Variants in ZFYVE21 observed in about 807,000 individuals in gnomAD.
ZFYVE21 encodes the protein zinc finger FYVE-type containing 21, also known as zinc finger FYVE domain-containing protein 21.
A neutral mutation model predicts 29.5 loss-of-function variants in ZFYVE21; 21 were observed. That is an observed-to-expected ratio of 0.71 (90% CI 0.50 to 1.02). The LOEUF (loss-of-function observed/expected upper bound fraction) is 1.02, where lower values mean the gene tolerates loss of function less well. ZFYVE21 is among the 50% of genes least tolerant of loss of function. The pLI, the probability that ZFYVE21 is intolerant of heterozygous loss-of-function variation, is 0.00. For missense variants in ZFYVE21, 326 were observed against 335.4 expected, an observed-to-expected ratio of 0.97 and a Z score of 0.22; for synonymous variants, 151 against 133.8, an observed-to-expected ratio of 1.13 and a Z score of -0.89.
intron 1 of ZFYVE21, 39 bp from the exon 2 acceptor site, chr14:103,726,753 A>C: frequency 6.2e-7 from 1 of 1,613,092 alleles, no homozygotes; most frequent in African/African-American, 1.3e-5. Flanking sequence ...GTGGTGAGTG[A>C]CCAAGCTGCG....
rs372132634 is a variant in ZFYVE21 at position 103,726,907 on chromosome 14, G to T, written c.189+65G>T. The T allele has an allele frequency of 2.5e-4, 385 of 1,562,826 alleles. 2 individuals carry two copies. The African/African-American group carries it at 4.6e-3, about 19-fold the overall frequency. The stretch of plus-strand genomic sequence containing the variant: ...GAGGGGCCCCAACAGGACAGCTGCC[G>T]CTGCCCCTTCTGGCAGGGGACGGAT... On this transcript the variant is annotated intron_variant, in intron 2 of 6. Transcript: ENST00000311141.
intron 1 of ZFYVE21, among the ~76,000 whole-genome samples, chr14:103,719,623 C>T (rs1459966324): frequency 5.3e-5 from 8 of 151,720 alleles, no homozygotes; most frequent in South Asian, 2.1e-4. Flanking sequence ...GGGTGGTTCT[C>T]GGTGGAAGGC....
rs200360953 is a variant in ZFYVE21, at chr14:103,727,726, A to G, written c.190-20A>G. The G allele has an allele frequency of 8.1e-5, 129 of 1,599,638 alleles. 1 individual carries two copies. In the East Asian group the frequency reaches 2.4e-3, roughly 29 times the overall value. On this transcript the variant is annotated intron_variant, in intron 2 of 6. Coordinates refer to ENST00000311141, the MANE Select transcript of ZFYVE21 (RefSeq NM_024071.4). The stretch of plus-strand genomic sequence containing the variant: ...TGTTCCCTGCCCCTCCTCACTGCCA[A>G]TCCTCCCGCATCTGCCCAGCACCAC...
intron 1 of ZFYVE21, chr14:103,725,824 C>T (rs1381293553): frequency 6.6e-6 from 1 of 152,282 alleles, no homozygotes; most frequent in East Asian, 1.9e-4. Context: ...CTTAGGCCGA[C>T]CAAGCATCTG....
chr14:103,729,223 G>C lies in ZFYVE21; in HGVS notation c.526+41G>C, dbSNP rs774868801. On this transcript the variant is annotated intron_variant, in intron 5 of 6. Coordinates refer to ENST00000311141, the MANE Select transcript of ZFYVE21 (RefSeq NM_024071.4). ...TCCTTTCCTAAGCCAGGAGGGTTTG[G>C]TGCCATGCGTGGGTGACAAGAGGAG... 3.7e-6 allele frequency: 6 copies of C among 1,604,106 alleles called. No homozygotes were observed. In the Admixed American group the frequency reaches 6.7e-5, roughly 18 times the overall value.
At position 103,729,216 on chromosome 14, in the gene ZFYVE21, G is replaced by C. The variant is rs775990498; in HGVS notation, c.526+34G>C. On this transcript the variant is annotated intron_variant, in intron 5 of 6. Transcript: ENST00000311141. ...CAGCACGTCCTTTCCTAAGCCAGGAGGGTTTGGTGCCATGCGTGGGTGACA... is the reference window on the plus strand; with the variant it reads ...CAGCACGTCCTTTCCTAAGCCAGGACGGTTTGGTGCCATGCGTGGGTGACA... The C allele has an allele frequency of 2.0e-5, 33 of 1,611,020 alleles. No individual in the cohort carries two copies. In the East Asian group the frequency reaches 7.1e-4, roughly 35 times the overall value.
chr14:103,725,972 C>T (rs927840828), intron 1 of ZFYVE21: 2 of 152,306 alleles, frequency 1.3e-5, no homozygotes, highest in African/African-American at 2.4e-5. Flanking sequence ...AGCCCAGTCA[C>T]CTTCCTGTTT....
At chr14:103,724,091 G>T (rs910281702) in intron 1 of ZFYVE21, among the ~76,000 whole-genome samples, 8 of 152,216 alleles carry the variant, frequency 5.3e-5, no homozygotes, top group African/African-American at 1.9e-4. Context: ...ATCAGGGTGG[G>T]GTGATGGAGG....
At position 103,717,859 on chromosome 14, in the gene ZFYVE21, G is replaced by A. The variant is rs150052468; in HGVS notation, c.138+1880G>A. On this transcript the variant is annotated intron_variant, in intron 1 of 6. Transcript: ENST00000311141. ...GAGTTTTGCGTTGTGAATTGTATTG[G>A]AGCATGGTCTTACAGGCCAGAAACG... Among the ~76,000 whole-genome samples, 118 of 152,370 alleles carry A rather than the reference G, an allele frequency of 7.7e-4. 1 individual carries two copies. The East Asian group carries it at 0.018, about 23-fold the overall frequency.
intron 2 of ZFYVE21, chr14:103,727,296 CTG>C (rs540919568): frequency 2.8e-6 from 1 of 362,126 alleles, no homozygotes; most frequent in South Asian, 2.1e-5. Context: ...TGGAAAGTGA[CTG>C]TGCTGATTCT....
chr14:103,719,001 C>T (rs978943892), intron 1 of ZFYVE21, among the ~76,000 whole-genome samples: 2 of 152,138 alleles, frequency 1.3e-5, no homozygotes, highest in African/African-American at 4.8e-5. Flanking sequence ...CAGGCCAGGC[C>T]GGACAGGGCT....
intron 1 of ZFYVE21, chr14:103,724,660 T>C (rs1192299768): frequency 6.6e-6 from 1 of 152,166 alleles, no homozygotes. Context: ...TTGGTCAATA[T>C]TCAGCCGAGC....
intron 2 of ZFYVE21, 141 bp from the exon 3 acceptor site, chr14:103,727,604 AC>A (rs1567070937): frequency 3.7e-6 from 4 of 1,072,436 alleles, no homozygotes; most frequent in Non-Finnish European, 5.5e-6. Context: ...GGGGCTGGCG[AC>A]AGGAGGTGCG....
chr14:103,732,893 A>G (rs562831732), intron 6 of ZFYVE21, 90 bp from the exon 7 acceptor site: 2 of 1,605,260 alleles, frequency 1.2e-6, no homozygotes, highest in Non-Finnish European at 1.7e-6. Context: ...TGGGGTGCCC[A>G]CGCCATCTCC....
In ZFYVE21 at chr14:103,728,017, G is replaced by C. The variant is rs558363976; in HGVS notation, c.358+103G>C. The stretch of plus-strand genomic sequence containing the variant: ...GCACGGGGCGTTCTGCTTCTCTGAC[G>C]TTCTCTCGCCCTCCCTCCCTTCCCC... On this transcript the variant is annotated intron_variant, in intron 3 of 6. Coordinates refer to ENST00000311141, the MANE Select transcript of ZFYVE21 (RefSeq NM_024071.4). 4.4e-5 allele frequency: 56 copies of C among 1,260,622 alleles called. No homozygotes were observed. In the African/African-American group the frequency reaches 8.1e-4, roughly 18 times the overall value. 78.1% of individuals were successfully genotyped at this position (1,260,622 alleles called of 1,614,324 possible).
At position 103,726,835 on chromosome 14, in the gene ZFYVE21, C is replaced by T. The variant is rs2083929462; in HGVS notation, c.182C>T (p.Thr61Ile). ...TGTGACGCCAAGTTTGACTTTCTCACCAGAAAGGTGAGCTGAGGCCGCTGA... is the reference window on the plus strand; with the variant it reads ...TGTGACGCCAAGTTTGACTTTCTCATCAGAAAGGTGAGCTGAGGCCGCTGA... ...MQCDAKFDFL[T>I]RKHHCRRCGK... The change falls in exon 2 of 7, where the codon ACC becomes ATC. Residue 61 changes from threonine (T) to isoleucine (I), a missense_variant. Coordinates refer to ENST00000311141, the MANE Select transcript of ZFYVE21 (RefSeq NM_024071.4). 6.2e-7 allele frequency: 1 copy of T among 1,614,022 alleles called. No homozygotes were observed. The highest frequency in any genetic ancestry group is 8.5e-7 in the Non-Finnish European group (1 of 1,180,006).
At chr14:103,718,174 G>A (rs549052608) in intron 1 of ZFYVE21, among the ~76,000 whole-genome samples, 2 of 152,308 alleles carry the variant, frequency 1.3e-5, no homozygotes, top group South Asian at 2.1e-4. Flanking sequence ...AACTTGGCAG[G>A]TGGGTAACAT....
intron 2 of ZFYVE21, 98 bp downstream of exon 2, chr14:103,726,940 T>C (rs1196303846): frequency 6.8e-6 from 9 of 1,323,832 alleles, no homozygotes; most frequent in Non-Finnish European, 9.3e-6. Context: ...GATGTCATCT[T>C]ATGGCTCGTT....
At chr14:103,719,123 C>T (rs2083852430) in intron 1 of ZFYVE21, among the ~76,000 whole-genome samples, 1 of 151,954 alleles carries the variant, frequency 6.6e-6, no homozygotes, top group African/African-American at 2.4e-5. Context: ...GGCCAGAATA[C>T]AAAAATTAGC....
Sources: allele counts gnomAD v4.1 joint callset (sites outside exome capture counted in the v4.1 genomes callset), GRCh38; gene constraint gnomAD v4.1.1; transcripts MANE v1.5; gene names NCBI Gene and HGNC (gene_info 2026-07-23, HGNC 2026-07-21).